The following MBNL3 variants were observed in gnomAD, a reference collection of about 807,000 sequenced individuals.
MBNL3 encodes the protein muscleblind like splicing regulator 3, also known as muscleblind-like protein 3.
In MBNL3, 6 loss-of-function variants were observed where a neutral mutation model predicts 24.5. The ratio of observed to expected loss-of-function variants is 0.25; its 90% CI spans 0.13 to 0.48. The LOEUF (loss-of-function observed/expected upper bound fraction) is 0.48. Ranked by LOEUF, MBNL3 falls within the 20% of genes least tolerant of loss-of-function variation. The pLI, the probability that MBNL3 is intolerant of heterozygous loss-of-function variation, is 0.99. For missense variants in MBNL3, 230 were observed against 293.5 expected, an observed-to-expected ratio of 0.78 and a Z score of 1.58; for synonymous variants, 100 against 101.7, an observed-to-expected ratio of 0.98 and a Z score of 0.10.
At chrX:132,397,029 GA>G (rs1939874406) in intron 3 of MBNL3, among the ~76,000 whole-genome samples, 1 of 96,670 alleles carries the variant, frequency 1.0e-5, no homozygotes, top group East Asian at 3.2e-4. Context: ...TCCACAAATT[GA>G]AAATGTTTGG....
intron 2 of MBNL3, chrX:132,413,433 A>C: frequency 9.9e-7 from 1 of 1,013,059 alleles, no homozygotes; most frequent in Non-Finnish European, 1.4e-6. Flanking sequence ...TGCCTTGATA[A>C]GTTGAGCTCA....
At chrX:132,413,840 T>A (rs2148333224) in intron 2 of MBNL3, among the ~76,000 whole-genome samples, 1 of 111,873 alleles carries the variant, frequency 8.9e-6, no homozygotes, top group African/African-American at 3.2e-5. Flanking sequence ...AGAACAGATT[T>A]TTGAGTATAT....
rs911046800 is a variant in MBNL3, at chrX:132,370,706, C to T, written c.*8960G>A. 4 of 111,512 alleles carry T rather than the reference C, an allele frequency of 3.6e-5. No homozygotes were observed. The highest frequency in any genetic ancestry group is 7.5e-5 in the Non-Finnish European group (4 of 53,147). The allele number at this position is 111,512 out of a possible 1,213,427, so 9.2% of individuals were successfully genotyped here. On this transcript the variant is annotated 3_prime_UTR_variant, in exon 9 of 9. Transcript: ENST00000370853. ...GAGCAGTTCTCCATAGTCTGAGAAGCCCAACAGGAAAGCACTTAAGGGGAA... is the reference window on the plus strand; with the variant it reads ...GAGCAGTTCTCCATAGTCTGAGAAGTCCAACAGGAAAGCACTTAAGGGGAA...
At chrX:132,456,609 A>G (rs1210558865) in intron 1 of MBNL3, among the ~76,000 whole-genome samples, 1 of 112,254 alleles carries the variant, frequency 8.9e-6, no homozygotes, top group African/African-American at 3.2e-5. Context: ...TTAAAATTTC[A>G]TTTAAAAACC....
At chrX:132,477,657 GC>G (rs1947510658) in intron 1 of MBNL3, among the ~76,000 whole-genome samples, 1 of 110,973 alleles carries the variant, frequency 9.0e-6, no homozygotes, top group Non-Finnish European at 1.9e-5. Flanking sequence ...TAAGGAATAT[GC>G]ACAAATTGGC....
chrX:132,370,693 A>G lies in MBNL3; in HGVS notation c.*8973T>C, dbSNP rs985264105. 1 of 111,800 alleles carries G rather than the reference A, an allele frequency of 8.9e-6. No homozygotes were observed. Among genetic ancestry groups the G allele is most frequent in the Admixed American group, 9.5e-5 (1 of 10,517 alleles). 9.2% of individuals were successfully genotyped at this position (111,800 alleles called of 1,213,427 possible). On this transcript the variant is annotated 3_prime_UTR_variant, in exon 9 of 9. Coordinates refer to ENST00000370853, the MANE Select transcript of MBNL3 (RefSeq NM_001386889.1). ...AGATCTCAACTATGAGCAGTTCTCC[A>G]TAGTCTGAGAAGCCCAACAGGAAAG...
intron 1 of MBNL3, among the ~76,000 whole-genome samples, chrX:132,460,665 C>A (rs1288225971): frequency 8.9e-6 from 1 of 111,846 alleles, no homozygotes; most frequent in East Asian, 2.8e-4. Flanking sequence ...ATCTGACAAA[C>A]CTTATTCCAT....
chrX:132,480,229 C>T (rs1242400754), intron 1 of MBNL3, among the ~76,000 whole-genome samples: 1 of 111,797 alleles, frequency 8.9e-6, no homozygotes, highest in Admixed American at 9.4e-5. Context: ...AGGCAAAGCA[C>T]TCTTCATGTA....
intron 2 of MBNL3, among the ~76,000 whole-genome samples, chrX:132,408,058 A>G (rs1233236664): frequency 2.6e-5 from 2 of 76,850 alleles, no homozygotes; most frequent in Non-Finnish European, 4.6e-5. Context: ...TTAAATCTCT[A>G]TCTCTACCCC....
chrX:132,439,390 T>C (rs746592879), intron 2 of MBNL3, 45 bp downstream of exon 2: 4 of 1,090,199 alleles, frequency 3.7e-6, no homozygotes, highest in South Asian at 5.4e-5. Context: ...TCAAAAAACA[T>C]AGAAATCAAC....
intron 1 of MBNL3, among the ~76,000 whole-genome samples, chrX:132,485,490 A>C (rs747431220): frequency 5.3e-5 from 6 of 112,302 alleles, no homozygotes; most frequent in Non-Finnish European, 9.4e-5. Flanking sequence ...GGATGTTATT[A>C]ACATCCATTA....
intron 1 of MBNL3, among the ~76,000 whole-genome samples, chrX:132,482,402 C>G (rs1947786255): frequency 9.0e-6 from 1 of 111,454 alleles, no homozygotes. Flanking sequence ...ACTCCCAGAC[C>G]CTCCCTCTAG....
At chrX:132,426,864 T>C (rs1944346296) in intron 2 of MBNL3, among the ~76,000 whole-genome samples, 1 of 112,137 alleles carries the variant, frequency 8.9e-6, no homozygotes. Flanking sequence ...AAGTAAGAGG[T>C]TGCAATAAAT....
intron 1 of MBNL3, among the ~76,000 whole-genome samples, chrX:132,475,686 A>G (rs1947404593): frequency 8.9e-6 from 1 of 111,901 alleles, no homozygotes; most frequent in African/African-American, 3.3e-5. Flanking sequence ...ATGGGGGTTC[A>G]AATTTTATTC....
chrX:132,420,346 C>T (rs1193881684), intron 2 of MBNL3, among the ~76,000 whole-genome samples: 2 of 111,149 alleles, frequency 1.8e-5, no homozygotes, highest in Non-Finnish European at 3.8e-5. Context: ...GGGTCTGCGA[C>T]GGCGGCAAAC....
In MBNL3 at chrX:132,378,308, T is replaced by G. The variant is rs760254933; in HGVS notation, c.*1358A>C. On this transcript the variant is annotated 3_prime_UTR_variant, in exon 9 of 9. Transcript: ENST00000370853. ...ATCTTTCCCAGTTCTTTTGAATAAA[T>G]CAAGGAATAATTGTAAGTGCTTCCC... 1 of 111,113 alleles carries G rather than the reference T, an allele frequency of 9.0e-6. No homozygotes were observed. The highest frequency in any genetic ancestry group is 2.8e-4 in the East Asian group (1 of 3,535). 9.2% of individuals were successfully genotyped at this position (111,113 alleles called of 1,213,427 possible). A position where few individuals can be genotyped will look rare whatever the true frequency, so the allele number is the denominator to read the frequency against.
At chrX:132,482,666 T>C (rs1402820967) in intron 1 of MBNL3, among the ~76,000 whole-genome samples, 1 of 112,644 alleles carries the variant, frequency 8.9e-6, no homozygotes, top group Non-Finnish European at 1.9e-5. Flanking sequence ...TCAGGTTATG[T>C]ATTTTGACCC....
chrX:132,413,003 A>G (rs2148329154), intron 2 of MBNL3, among the ~76,000 whole-genome samples: 1 of 112,648 alleles, frequency 8.9e-6, no homozygotes, highest in South Asian at 3.7e-4. Context: ...GGGAGAGAAA[A>G]AGTAATGGTA....
chrX:132,489,947 GCTCACGCT>G (rs1217651588), upstream of MBNL3: 1 of 112,440 alleles, frequency 8.9e-6, no homozygotes, highest in Non-Finnish European at 1.9e-5. Flanking sequence ...TCGCGCTGCG[GCTCACGCT>G]CGGAGTGCGG....
Sources: gnomAD v4.1 joint callset for allele counts (sites outside exome capture counted in the v4.1 genomes callset) on GRCh38, gnomAD v4.1.1 for gene constraint, MANE v1.5 for transcripts, NCBI Gene and HGNC (gene_info 2026-07-23, HGNC 2026-07-21) for gene names.